Variants in DLGAP2 observed in about 807,000 individuals in gnomAD.
DLGAP2 encodes DLG associated protein 2.
Under a neutral mutation model 100.3 loss-of-function variants are expected in DLGAP2, and 26 were observed. The observed-to-expected ratio is 0.26, with a 90% CI of 0.19 to 0.36. DLGAP2 has a LOEUF of 0.36. Ranked by LOEUF, DLGAP2 falls within the 10% of genes least tolerant of loss-of-function variation. The probability of loss-of-function intolerance (pLI) is 1.00; values close to 1 mark genes in which losing one functional copy is unlikely to be tolerated. For synonymous variants in DLGAP2, 886 were observed against 630.1 expected (o/e 1.41, Z -6.08); for missense variants, 1,858 against 1,453.2 (o/e 1.28, Z -4.53).
intron 2 of DLGAP2, among the ~76,000 whole-genome samples, chr8:1,196,586 T>C (rs17065799): frequency 0.048 from 7,349 of 152,284 alleles, 441 homozygotes; most frequent in African/African-American, 0.15. Context: ...GTGGCTGTCA[T>C]CACCAACAGC....
chr8:1,386,125 A>C (rs934939258), intron 3 of DLGAP2, among the ~76,000 whole-genome samples: 1 of 152,256 alleles, frequency 6.6e-6, no homozygotes, highest in South Asian at 2.1e-4. Context: ...ATAATGGAAA[A>C]TAAGAGTAAA....
intron 4 of DLGAP2, among the ~76,000 whole-genome samples, chr8:1,522,960 C>T (rs1313901970): frequency 1.3e-5 from 2 of 152,172 alleles, no homozygotes; most frequent in African/African-American, 4.8e-5. Flanking sequence ...TTTAAAGTAA[C>T]TTAAATGCAT....
At chr8:779,249 C>G (rs954409682) in intron 1 of DLGAP2, among the ~76,000 whole-genome samples, 1 of 152,230 alleles carries the variant, frequency 6.6e-6, no homozygotes, top group Non-Finnish European at 1.5e-5. Context: ...CTGGCCCTCC[C>G]TAGTGAGATG....
chr8:1,217,632 T>A (rs2116803732), intron 2 of DLGAP2, among the ~76,000 whole-genome samples: 1 of 152,306 alleles, frequency 6.6e-6, no homozygotes, highest in East Asian at 1.9e-4. Flanking sequence ...CCTGGTTAGC[T>A]GTATTCCTAG....
chr8:983,260 A>G (rs1246356038), intron 2 of DLGAP2, among the ~76,000 whole-genome samples: 1 of 151,918 alleles, frequency 6.6e-6, no homozygotes, highest in Non-Finnish European at 1.5e-5. Flanking sequence ...CTTAGAATCC[A>G]CGTGTTGGTG....
At chr8:1,473,857 C>A (rs529207101) in intron 3 of DLGAP2, among the ~76,000 whole-genome samples, 2 of 152,142 alleles carry the variant, frequency 1.3e-5, no homozygotes, top group Non-Finnish European at 2.9e-5. Context: ...CCATGTAAGA[C>A]CTGCCTTTCA....
chr8:1,691,142 T>C (rs1015769680), intron 12 of DLGAP2, among the ~76,000 whole-genome samples: 1 of 152,228 alleles, frequency 6.6e-6, no homozygotes, highest in African/African-American at 2.4e-5. Context: ...TTCACTAACA[T>C]GTTAGAGTCC....
intron 2 of DLGAP2, among the ~76,000 whole-genome samples, chr8:1,115,747 G>A (rs1050104258): frequency 3.9e-5 from 6 of 152,192 alleles, no homozygotes; most frequent in African/African-American, 1.4e-4. Context: ...GCTTTGGCAT[G>A]AGAATTCACA....
At chr8:898,700 C>A (rs978258947) in intron 1 of DLGAP2, among the ~76,000 whole-genome samples, 1 of 152,162 alleles carries the variant, frequency 6.6e-6, no homozygotes, top group Non-Finnish European at 1.5e-5. Context: ...ATTCCCAGCT[C>A]TAAGAAGGCC....
intron 6 of DLGAP2, among the ~76,000 whole-genome samples, chr8:1,612,816 GA>G (rs1404821451): frequency 9.8e-6 from 1 of 101,752 alleles, no homozygotes; most frequent in Admixed American, 1.1e-4. Context: ...GGCCATCAGA[GA>G]AATGCAAATC....
At chr8:1,392,821 G>A (rs1796400942) in intron 3 of DLGAP2, among the ~76,000 whole-genome samples, 1 of 151,068 alleles carries the variant, frequency 6.6e-6, no homozygotes, top group Non-Finnish European at 1.5e-5. Flanking sequence ...ATCTGTGATT[G>A]GACTTTGGCA....
chr8:1,374,529 G>A (rs1215319575), intron 3 of DLGAP2, among the ~76,000 whole-genome samples: 1 of 152,170 alleles, frequency 6.6e-6, no homozygotes, highest in Non-Finnish European at 1.5e-5. Flanking sequence ...ACTTAACAAA[G>A]GGCATTCAGG....
At chr8:1,568,644 G>A (rs1262561956) in intron 6 of DLGAP2, among the ~76,000 whole-genome samples, 13 of 113,544 alleles carry the variant, frequency 1.1e-4, no homozygotes, top group Admixed American at 4.6e-4. Flanking sequence ...GTCTCTGCCC[G>A]TGGCCCCCAT....
chr8:1,268,551 A>G (rs931907064), intron 3 of DLGAP2, among the ~76,000 whole-genome samples: 2 of 152,182 alleles, frequency 1.3e-5, no homozygotes, highest in African/African-American at 2.4e-5. Context: ...CATTCGTGCC[A>G]TTTCACAAGA....
At chr8:1,507,104 A>C (rs4876075) in intron 4 of DLGAP2, among the ~76,000 whole-genome samples, 89,381 of 152,202 alleles carry the variant, frequency 0.59, 27,698 homozygotes, top group South Asian at 0.72. Context: ...AGCTGGCTTC[A>C]CCTAGCGGAT....
chr8:759,931 C>T (rs571236133), intron 1 of DLGAP2, among the ~76,000 whole-genome samples: 2 of 152,304 alleles, frequency 1.3e-5, no homozygotes, highest in Non-Finnish European at 2.9e-5. Context: ...GCCAGCAGCT[C>T]CACGCTTACT....
chr8:1,536,888 C>T (rs1456595402), intron 4 of DLGAP2, among the ~76,000 whole-genome samples: 1 of 152,152 alleles, frequency 6.6e-6, no homozygotes, highest in African/African-American at 2.4e-5. Flanking sequence ...TGAGGGCATT[C>T]AGTGCTCACA....
intron 2 of DLGAP2, among the ~76,000 whole-genome samples, chr8:986,662 A>AG (rs34712755): frequency 9.7e-5 from 14 of 144,448 alleles, no homozygotes; most frequent in African/African-American, 3.1e-4. Flanking sequence ...ACTGTATTTG[A>AG]TTTTTTTTTT....
At chr8:1,042,540 G>A (rs1802383676) in intron 2 of DLGAP2, among the ~76,000 whole-genome samples, 1 of 152,152 alleles carries the variant, frequency 6.6e-6, no homozygotes, top group Non-Finnish European at 1.5e-5. Context: ...GTGAAGCGTA[G>A]CCCAGGAAAG....
Sources: allele counts gnomAD v4.1 joint callset (sites outside exome capture counted in the v4.1 genomes callset), GRCh38; gene constraint gnomAD v4.1.1; transcripts MANE v1.5; gene names NCBI Gene and HGNC (gene_info 2026-07-23, HGNC 2026-07-21).